The following DLG2 variants were observed in gnomAD, a reference collection of about 807,000 sequenced individuals.
The protein encoded by DLG2 is disks large homolog 2.
DLG2 carries 45 observed loss-of-function variants against 132.5 expected under a neutral mutation model. The ratio of observed to expected loss-of-function variants is 0.34; its 90% CI spans 0.27 to 0.44. The LOEUF (loss-of-function observed/expected upper bound fraction) is 0.44. Among genes scored for constraint, DLG2 ranks in the 20% least tolerant of loss-of-function variants. The probability of loss-of-function intolerance (pLI) is 1.00; values close to 1 mark genes in which losing one functional copy is unlikely to be tolerated. For synonymous variants in DLG2, 424 were observed against 419.6 expected (o/e 1.01, Z -0.13); for missense variants, 1,045 against 1,196.9 (o/e 0.87, Z 1.87).
intron 6 of DLG2, among the ~76,000 whole-genome samples, chr11:85,012,643 G>GAT (rs769180898): frequency 2.0e-5 from 3 of 152,054 alleles, no homozygotes; most frequent in Non-Finnish European, 4.4e-5. Flanking sequence ...ATTATTTGCT[G>GAT]ATTAAACAAA....
At chr11:84,528,052 A>G (rs977038509) in intron 7 of DLG2, among the ~76,000 whole-genome samples, 4 of 152,274 alleles carry the variant, frequency 2.6e-5, no homozygotes, top group Non-Finnish European at 5.9e-5. Flanking sequence ...TTAATTATGA[A>G]TCAAGAGAAT....
intron 7 of DLG2, among the ~76,000 whole-genome samples, chr11:84,501,878 T>G (rs1186907628): frequency 6.6e-6 from 1 of 152,106 alleles, no homozygotes; most frequent in East Asian, 1.9e-4. Context: ...GTAGAGGATT[T>G]TTTTTTAAGC....
intron 6 of DLG2, among the ~76,000 whole-genome samples, chr11:84,680,024 A>G (rs1033275115): frequency 6.6e-6 from 1 of 152,106 alleles, no homozygotes; most frequent in African/African-American, 2.4e-5. Context: ...ATCCAGTAAT[A>G]CTAGGTTATC....
intron 6 of DLG2, among the ~76,000 whole-genome samples, chr11:84,897,296 A>G (rs1287151567): frequency 6.6e-6 from 1 of 151,908 alleles, no homozygotes; most frequent in Non-Finnish European, 1.5e-5. Flanking sequence ...ACCACTACAT[A>G]GTATCCATTG....
intron 6 of DLG2, among the ~76,000 whole-genome samples, chr11:84,868,068 C>T (rs188450920): frequency 2.0e-5 from 3 of 148,770 alleles, no homozygotes; most frequent in South Asian, 4.2e-4. Flanking sequence ...AGCGAGGTTC[C>T]GTCTCAAAAT....
At chr11:85,000,439 C>T (rs1175929579) in intron 6 of DLG2, among the ~76,000 whole-genome samples, 1 of 152,056 alleles carries the variant, frequency 6.6e-6, no homozygotes, top group East Asian at 1.9e-4. Flanking sequence ...CCTAGCCTTC[C>T]AATTTGGTAG....
intron 17 of DLG2, among the ~76,000 whole-genome samples, chr11:83,802,795 A>G (rs2044815118): frequency 6.6e-6 from 1 of 152,148 alleles, no homozygotes; most frequent in Non-Finnish European, 1.5e-5. Flanking sequence ...GTTTGTTTCA[A>G]AAAAAGAAAA....
chr11:84,838,229 TCTCA>T lies in DLG2; in HGVS notation c.357+273428_357+273431del, dbSNP rs1267184884. On this transcript the variant is annotated intron_variant, in intron 6 of 27. Coordinates refer to ENST00000376104, the MANE Select transcript of DLG2 (RefSeq NM_001142699.3). ...TGACATGAACCTCCACTGAGTTTGC[TCTCA>T]CTAACAAGCCTCCTTCAAAGTGTTC... Among the ~76,000 whole-genome samples the T allele has an allele frequency of 1.3e-4, 20 of 152,004 alleles. No individual in the cohort carries two copies. The East Asian group carries it at 3.9e-3, about 30-fold the overall frequency.
intron 18 of DLG2, among the ~76,000 whole-genome samples, chr11:83,701,621 G>T (rs1427588432): frequency 6.6e-6 from 1 of 152,220 alleles, no homozygotes; most frequent in Non-Finnish European, 1.5e-5. Flanking sequence ...GTCAACATCA[G>T]TTATACCGGG....
chr11:83,581,265 G>C (rs1475322694), intron 19 of DLG2, among the ~76,000 whole-genome samples: 1 of 151,984 alleles, frequency 6.6e-6, no homozygotes, highest in Non-Finnish European at 1.5e-5. Flanking sequence ...AAATCACCTG[G>C]AATAAAATTA....
intron 14 of DLG2, among the ~76,000 whole-genome samples, chr11:83,937,828 G>T (rs1188508999): frequency 6.6e-6 from 1 of 152,106 alleles, no homozygotes; most frequent in Non-Finnish European, 1.5e-5. Flanking sequence ...TTTAGTTGTG[G>T]TATGTTGAAA....
chr11:85,289,328 A>T (rs1010968448), intron 3 of DLG2, among the ~76,000 whole-genome samples: 1 of 152,048 alleles, frequency 6.6e-6, no homozygotes, highest in Non-Finnish European at 1.5e-5. Flanking sequence ...GGCCCTCGCC[A>T]TCTGTTACTC....
At chr11:83,611,128 T>C (rs1047674891) in intron 19 of DLG2, among the ~76,000 whole-genome samples, 2 of 152,258 alleles carry the variant, frequency 1.3e-5, no homozygotes, top group African/African-American at 4.8e-5. Context: ...GTCTAATCTA[T>C]GTTGCAGGCT....
chr11:84,842,874 C>G (rs113963721), intron 6 of DLG2, among the ~76,000 whole-genome samples: 17 of 151,952 alleles, frequency 1.1e-4, no homozygotes, highest in African/African-American at 4.1e-4. Context: ...TTACCACCAC[C>G]ATTTCTATCC....
At chr11:85,473,191 G>C (rs2093039535) in intron 3 of DLG2, among the ~76,000 whole-genome samples, 1 of 152,234 alleles carries the variant, frequency 6.6e-6, no homozygotes, top group South Asian at 2.1e-4. Flanking sequence ...CTGAGATCTA[G>C]GCCAGTAGCA....
At chr11:83,495,326 G>C (rs1178059875) in intron 21 of DLG2, among the ~76,000 whole-genome samples, 1 of 152,176 alleles carries the variant, frequency 6.6e-6, no homozygotes, top group Non-Finnish European at 1.5e-5. Context: ...AGAGAATACA[G>C]TGAGTGCTTG....
intron 9 of DLG2, among the ~76,000 whole-genome samples, chr11:84,135,887 A>T (rs949294643): frequency 6.6e-6 from 1 of 152,108 alleles, no homozygotes; most frequent in Non-Finnish European, 1.5e-5. Flanking sequence ...CCTGGGACAT[A>T]AAGACTAGTT....
At position 84,038,830 on chromosome 11, in the gene DLG2, T is replaced by C. The variant is rs541045190; in HGVS notation, c.919+20485A>G. Among the ~76,000 whole-genome samples, 6 of 152,024 alleles carry C rather than the reference T, an allele frequency of 3.9e-5. No homozygotes were observed. The South Asian group carries it at 1.2e-3, about 32-fold the overall frequency. On this transcript the variant is annotated intron_variant, in intron 11 of 27. Coordinates refer to ENST00000376104, the MANE Select transcript of DLG2 (RefSeq NM_001142699.3). ...CATGGCAGAAGAGGAAGCAAACACA[T>C]CCTTCTTCACATGATGTTAGGAATG... is the stretch of plus-strand genomic sequence containing the variant.
intron 8 of DLG2, among the ~76,000 whole-genome samples, chr11:84,182,457 A>G (rs2096159517): frequency 6.6e-6 from 1 of 151,878 alleles, no homozygotes; most frequent in African/African-American, 2.4e-5. Flanking sequence ...CGTGCCCAGG[A>G]GGTTGAGGCT....
Sources: gnomAD v4.1 joint callset for allele counts (sites outside exome capture counted in the v4.1 genomes callset) on GRCh38, gnomAD v4.1.1 for gene constraint, MANE v1.5 for transcripts, NCBI Gene and HGNC (gene_info 2026-07-23, HGNC 2026-07-21) for gene names.